CPSF2: variants seen among roughly 807,000 people sequenced by gnomAD.
CPSF2 encodes cleavage and polyadenylation specific factor 2, also known as cleavage and polyadenylation specificity factor subunit 2.
CPSF2 carries 51 observed loss-of-function variants against 84.2 expected under a neutral mutation model. That is an observed-to-expected ratio of 0.61 (90% CI 0.48 to 0.77). The LOEUF is 0.77. Ranked by LOEUF, CPSF2 falls within the 30% of genes least tolerant of loss-of-function variation. The pLI, the probability that CPSF2 is intolerant of heterozygous loss-of-function variation, is 0.00. For synonymous variants in CPSF2, 286 were observed against 311.9 expected (o/e 0.92, Z 0.87); for missense variants, 641 against 929.4 (o/e 0.69, Z 4.03).
At chr14:92,125,306 A>G (rs2068831607) in intron 1 of CPSF2, among the ~76,000 whole-genome samples, 1 of 152,094 alleles carries the variant, frequency 6.6e-6, no homozygotes, top group Non-Finnish European at 1.5e-5. Context: ...GTAATAATAG[A>G]CTGTCCCAGA....
In CPSF2 at chr14:92,152,215, C is replaced by T. The variant is rs550083455; in HGVS notation, c.1141-2143C>T. On this transcript the variant is annotated intron_variant, in intron 9 of 15. Coordinates refer to ENST00000298875, the MANE Select transcript of CPSF2 (RefSeq NM_017437.3). ...TGCCATCTCGGCTCACTGCAACCTC[C>T]GCCTCCCAGGTTCAAGTGATTCTCC... 4.2e-4 allele frequency among the ~76,000 whole-genome samples: 64 copies of T among 151,990 alleles called. 1 individual carries two copies. The South Asian group carries it at 1.0e-2, about 24-fold the overall frequency.
At chr14:92,125,100 A>C (rs945059782) in intron 1 of CPSF2, among the ~76,000 whole-genome samples, 1 of 152,078 alleles carries the variant, frequency 6.6e-6, no homozygotes, top group Non-Finnish European at 1.5e-5. Flanking sequence ...AGCAAGGGGT[A>C]ATAGGTGCAG....
intron 2 of CPSF2, among the ~76,000 whole-genome samples, chr14:92,130,248 G>A (rs1282660326): frequency 1.3e-5 from 2 of 151,890 alleles, no homozygotes; most frequent in East Asian, 3.9e-4. Context: ...GAATTTCTAC[G>A]TGTATATGTA....
At chr14:92,151,612 G>T (rs567801680) in intron 9 of CPSF2, among the ~76,000 whole-genome samples, 2 of 151,992 alleles carry the variant, frequency 1.3e-5, no homozygotes, top group Non-Finnish European at 2.9e-5. Flanking sequence ...CTATACATGC[G>T]TATAAGCCTG....
intron 1 of CPSF2, among the ~76,000 whole-genome samples, chr14:92,124,784 C>A (rs2068824976): frequency 6.6e-6 from 1 of 152,142 alleles, no homozygotes; most frequent in African/African-American, 2.4e-5. Flanking sequence ...AACATGATTA[C>A]ATGTTGAAAT....
chr14:92,127,530 T>C (rs2068858332), intron 2 of CPSF2, among the ~76,000 whole-genome samples: 1 of 152,210 alleles, frequency 6.6e-6, no homozygotes, highest in Non-Finnish European at 1.5e-5. Context: ...GAGATATATC[T>C]GTGGACAAAT....
At position 92,168,732 on chromosome 14, in the gene CPSF2, T is replaced by C. The variant is rs1283551915; in HGVS notation, c.*6988T>C. 6.6e-6 allele frequency: 1 copy of C among 152,090 alleles called. No individual in the cohort carries two copies. Among genetic ancestry groups the C allele is most frequent in the African/African-American group, 2.4e-5 (1 of 41,394 alleles). The allele number at this position is 152,090 out of a possible 1,614,324, so 9.4% of individuals were successfully genotyped here. On this transcript the variant is annotated 3_prime_UTR_variant, in exon 16 of 16. Coordinates refer to ENST00000298875, the MANE Select transcript of CPSF2 (RefSeq NM_017437.3). ...GCCTGGGGAACATGGTAAAACCCTG[T>C]CTCTACAAAAAATAGAAAAATTAGC...
intron 6 of CPSF2, among the ~76,000 whole-genome samples, chr14:92,137,677 A>C (rs2069017981): frequency 6.6e-6 from 1 of 152,236 alleles, no homozygotes; most frequent in African/African-American, 2.4e-5. Context: ...AACAATCAGA[A>C]ATGCAATTGA....
rs549337052 is a variant in CPSF2 at position 92,158,050 on chromosome 14, ATGT to A, written c.1821+173_1821+175del. Among the ~76,000 whole-genome samples the A allele has an allele frequency of 2.2e-4, 33 of 152,326 alleles. No individual in the cohort carries two copies. The South Asian group carries it at 6.4e-3, about 30-fold the overall frequency. On this transcript the variant is annotated intron_variant, in intron 13 of 15. Transcript: ENST00000298875. ...TTAGAACAAGGAAATACCATTTATC[ATGT>A]TGTTGTGCCACTGAGAGAAGAAGTA... is the stretch of plus-strand genomic sequence containing the variant.
At position 92,156,515 on chromosome 14, in the gene CPSF2, T is replaced by C. The variant is rs1326474690; in HGVS notation, c.1479T>C (p.Thr493=). The C allele has an allele frequency of 6.2e-7, 1 of 1,613,002 alleles. No homozygotes were observed. The highest frequency in any genetic ancestry group is 8.5e-7 in the Non-Finnish European group (1 of 1,179,668). Residue 493 remains threonine (T), a synonymous_variant, in exon 12 of 16, where the codon ACT becomes ACC. Coordinates refer to ENST00000298875, the MANE Select transcript of CPSF2 (RefSeq NM_017437.3). ...EDFLVPELQA[T]EEEKSKLESG... is the part of the protein sequence containing the mutation. The stretch of plus-strand genomic sequence containing the variant: ...TCTTAGTGCCAGAGCTTCAAGCTAC[T>C]GAAGAAGAAAAAAGCAAATTAGAAT...
chr14:92,152,282 A>G (rs1416789162), intron 9 of CPSF2, among the ~76,000 whole-genome samples: 1 of 151,778 alleles, frequency 6.6e-6, no homozygotes, highest in Non-Finnish European at 1.5e-5. Context: ...GGCATGTGCC[A>G]TCACGCCCGG....
intron 7 of CPSF2, 76 bp from the exon 8 acceptor site, chr14:92,142,088 G>A (rs565092570): frequency 5.0e-5 from 56 of 1,119,052 alleles, no homozygotes; most frequent in Non-Finnish European, 6.5e-5. Flanking sequence ...AATAAAAACA[G>A]GGAGATAAAA....
intron 1 of CPSF2, among the ~76,000 whole-genome samples, chr14:92,123,325 A>C (rs947369977): frequency 2.0e-5 from 3 of 151,232 alleles, no homozygotes; most frequent in Non-Finnish European, 2.9e-5. Context: ...ACAGGGTTTC[A>C]CCTTGTTGGC....
chr14:92,143,975 T>C (rs528847621), intron 9 of CPSF2, among the ~76,000 whole-genome samples: 38 of 152,354 alleles, frequency 2.5e-4, no homozygotes, highest in African/African-American at 9.1e-4. Flanking sequence ...AAAGACGTTC[T>C]TTATCCTGTA....
At chr14:92,126,845 C>G (rs1203472904) in intron 2 of CPSF2, among the ~76,000 whole-genome samples, 1 of 152,112 alleles carries the variant, frequency 6.6e-6, no homozygotes, top group Non-Finnish European at 1.5e-5. Context: ...TTTTAACTTA[C>G]CAACAGTTAT....
chr14:92,141,922 T>C (rs1307235814), intron 7 of CPSF2, among the ~76,000 whole-genome samples: 1 of 152,152 alleles, frequency 6.6e-6, no homozygotes, highest in East Asian at 1.9e-4. Flanking sequence ...GGACTACTGA[T>C]TTATAATTTT....
At chr14:92,123,269 C>T (rs1054824484) in intron 1 of CPSF2, among the ~76,000 whole-genome samples, 1 of 152,150 alleles carries the variant, frequency 6.6e-6, no homozygotes, top group South Asian at 2.1e-4. Context: ...GCTGGGACTA[C>T]AGGCGCGCAC....
intron 9 of CPSF2, chr14:92,154,095 A>T (rs1451221955): frequency 1.5e-5 from 4 of 264,368 alleles, no homozygotes; most frequent in African/African-American, 4.5e-5. Context: ...CAGTGCTAGG[A>T]TTATAGGTGT....
At position 92,158,987 on chromosome 14, in the gene CPSF2, G is replaced by A. The variant is rs2069329214; in HGVS notation, c.1826G>A (p.Arg609Lys). The change falls in exon 14 of 16, where the codon AGG (arginine) becomes AAG (lysine). Residue 609 changes from arginine to lysine, a missense_variant. Physicochemically the swap from Arg to Lys is conservative, Grantham distance 26 (BLOSUM62 2). Transcript: ENST00000298875. ...CCCCCTCCTTTGCATGTCTAGGTGA[G>A]GTTAAAAGACTCACTTGTCAGCTCT... ...ATSETHIYQV[R>K]LKDSLVSSLQ... is the part of the protein sequence containing the mutation. 1 of 1,610,910 alleles carries A rather than the reference G, an allele frequency of 6.2e-7. No homozygotes were observed. Among genetic ancestry groups the A allele is most frequent in the Non-Finnish European group, 8.5e-7 (1 of 1,178,092 alleles).
Sources: gnomAD v4.1 joint callset for allele counts (sites outside exome capture counted in the v4.1 genomes callset) on GRCh38, gnomAD v4.1.1 for gene constraint, MANE v1.5 for transcripts, NCBI Gene and HGNC (gene_info 2026-07-23, HGNC 2026-07-21) for gene names.